The following SLC44A3 variants were observed in gnomAD, a reference collection of about 807,000 sequenced individuals.
SLC44A3 encodes solute carrier family 44 member 3.
In SLC44A3, 74 loss-of-function variants were observed where a neutral mutation model predicts 75.4. That is an observed-to-expected ratio of 0.98 (90% CI 0.81 to 1.19). The LOEUF (loss-of-function observed/expected upper bound fraction) is 1.19. Among genes scored for constraint, SLC44A3 ranks in the 50% most tolerant of loss-of-function variants. The probability of loss-of-function intolerance (pLI) is 0.00; values close to 1 mark genes in which losing one functional copy is unlikely to be tolerated. For missense variants in SLC44A3, 700 were observed against 778.6 expected, an observed-to-expected ratio of 0.90 and a Z score of 1.20; for synonymous variants, 310 against 296.9, an observed-to-expected ratio of 1.04 and a Z score of -0.45.
intron 2 of SLC44A3, among the ~76,000 whole-genome samples, chr1:94,822,236 T>C (rs918686928): frequency 2.6e-5 from 4 of 152,174 alleles, no homozygotes; most frequent in African/African-American, 9.7e-5. Flanking sequence ...CTGAGAATCC[T>C]GGGGAAAATC....
chr1:94,879,610 T>C (rs859084), intron 12 of SLC44A3, among the ~76,000 whole-genome samples: 119,989 of 148,406 alleles, frequency 0.81, 48,487 homozygotes, highest in South Asian at 0.87. Context: ...GAGGCGGAGG[T>C]GGGCAGATCA....
intron 12 of SLC44A3, among the ~76,000 whole-genome samples, chr1:94,885,998 G>C (rs1669544920): frequency 6.6e-6 from 1 of 152,192 alleles, no homozygotes; most frequent in East Asian, 1.9e-4. Flanking sequence ...CGAGGTGGGG[G>C]TGGAGGGGAG....
intron 1 of SLC44A3, 89 bp downstream of exon 1, chr1:94,820,567 T>C: frequency 7.0e-7 from 1 of 1,436,110 alleles, no homozygotes; most frequent in Non-Finnish European, 9.2e-7. Flanking sequence ...GCCGGACGCT[T>C]CCGCCTTTCC....
At chr1:94,855,067 A>G (rs1219203471) in intron 9 of SLC44A3, among the ~76,000 whole-genome samples, 7 of 152,184 alleles carry the variant, frequency 4.6e-5, no homozygotes, top group African/African-American at 7.2e-5. Context: ...GCCAAATGCC[A>G]TTCTTTGGGG....
In SLC44A3 at chr1:94,891,234, C is replaced by T. The variant is rs1670175652; in HGVS notation, c.1587C>T (p.Asn529=). 1 of 1,613,186 alleles carries T rather than the reference C, an allele frequency of 6.2e-7. No homozygotes were observed. The highest frequency in any genetic ancestry group is 8.5e-7 in the Non-Finnish European group (1 of 1,179,646). ...ACTCAAGTCACTTTACATCTATTAA[C>T]TGCTTTGGAGACTTCATAATTTTTC... ...SKNSSHFTSI[N]CFGDFIIFLG... The change falls in exon 13 of 15, where the codon AAC becomes AAT. Residue 529 remains asparagine (N), a synonymous_variant. Coordinates refer to ENST00000271227, the MANE Select transcript of SLC44A3 (RefSeq NM_001114106.3).
At chr1:94,836,085 G>A (rs1486654181) in intron 5 of SLC44A3, among the ~76,000 whole-genome samples, 2 of 152,184 alleles carry the variant, frequency 1.3e-5, no homozygotes, top group African/African-American at 4.8e-5. Context: ...TAGAAGCTTG[G>A]GAAGTCATTT....
chr1:94,841,414 TGAGG>T (rs1663626387), intron 7 of SLC44A3, among the ~76,000 whole-genome samples: 1 of 152,214 alleles, frequency 6.6e-6, no homozygotes, highest in Admixed American at 6.5e-5. Context: ...CAATGACTTC[TGAGG>T]GTTGTTTCTT....
chr1:94,869,263 A>C (rs1557866319), intron 12 of SLC44A3, among the ~76,000 whole-genome samples: 1 of 152,264 alleles, frequency 6.6e-6, no homozygotes, highest in Non-Finnish European at 1.5e-5. Context: ...CATAAGTGAC[A>C]TTAATGTTAA....
At chr1:94,840,565 C>G (rs1663488109) in intron 7 of SLC44A3, among the ~76,000 whole-genome samples, 1 of 152,142 alleles carries the variant, frequency 6.6e-6, no homozygotes, top group Admixed American at 6.5e-5. Context: ...GCTGGGATTA[C>G]AGGTATGAGT....
At chr1:94,842,739 C>A (rs1462244435) in intron 8 of SLC44A3, among the ~76,000 whole-genome samples, 20 of 152,238 alleles carry the variant, frequency 1.3e-4, no homozygotes, top group Admixed American at 1.2e-3. Flanking sequence ...CCCACACTGG[C>A]TTCAGGTCCC....
At position 94,826,049 on chromosome 1, in the gene SLC44A3, A is replaced by G. The variant is rs1027926972; in HGVS notation, c.278+1414A>G. 7.8e-6 allele frequency: 3 copies of G among 382,758 alleles called. No homozygotes were observed. The Admixed American group carries it at 8.7e-5, about 11-fold the overall frequency. The allele number at this position is 382,758 out of a possible 1,614,324, so 23.7% of individuals were successfully genotyped here. On this transcript the variant is annotated intron_variant, in intron 3 of 14. Transcript: ENST00000271227. The stretch of plus-strand genomic sequence containing the variant: ...AATGTGATATGTATATTACAATGAA[A>G]TATTAAAAAGGAAGGAAATTCTGAC...
At chr1:94,874,295 G>A (rs780061263) in intron 12 of SLC44A3, among the ~76,000 whole-genome samples, 1 of 152,214 alleles carries the variant, frequency 6.6e-6, no homozygotes, top group East Asian at 1.9e-4. Context: ...CTGTGGCTTA[G>A]TGTGGCTTTC....
chr1:94,883,476 A>T (rs1669220986), intron 12 of SLC44A3, among the ~76,000 whole-genome samples: 1 of 152,184 alleles, frequency 6.6e-6, no homozygotes, highest in South Asian at 2.1e-4. Context: ...ACTATACTCC[A>T]GCCTGGGTGT....
intron 10 of SLC44A3, among the ~76,000 whole-genome samples, chr1:94,859,182 T>C (rs1213740711): frequency 6.6e-6 from 1 of 152,146 alleles, no homozygotes; most frequent in African/African-American, 2.4e-5. Flanking sequence ...GCAGGTAATA[T>C]TTGCCTGACA....
intron 5 of SLC44A3, among the ~76,000 whole-genome samples, chr1:94,834,643 C>A (rs1179093977): frequency 6.6e-6 from 1 of 152,050 alleles, no homozygotes; most frequent in Non-Finnish European, 1.5e-5. Flanking sequence ...CACCACGACA[C>A]CTGGCTAGTT....
At chr1:94,832,524 G>A (rs566880389) in intron 5 of SLC44A3, among the ~76,000 whole-genome samples, 1 of 152,184 alleles carries the variant, frequency 6.6e-6, no homozygotes, top group African/African-American at 2.4e-5. Flanking sequence ...TTTAATTTTT[G>A]TCTTTCTCTG....
intron 9 of SLC44A3, among the ~76,000 whole-genome samples, chr1:94,854,748 C>T (rs1285677371): frequency 6.6e-6 from 1 of 151,312 alleles, no homozygotes; most frequent in African/African-American, 2.4e-5. Context: ...ACTTTTTGCC[C>T]CTGATATGGC....
intron 2 of SLC44A3, among the ~76,000 whole-genome samples, chr1:94,821,545 A>G (rs1399663462): frequency 6.6e-6 from 1 of 152,234 alleles, no homozygotes; most frequent in Non-Finnish European, 1.5e-5. Context: ...ATAGCTAACA[A>G]GGAATGATTT....
At position 94,827,373 on chromosome 1, in the gene SLC44A3, A is replaced by ATT. The variant is rs1661511925; in HGVS notation, c.279-133_279-132insTT. On this transcript the variant is annotated intron_variant, in intron 3 of 14. Transcript: ENST00000271227. ...CAGTAGGCATCATAAATGTTCAATT[A>ATT]TGCTGAAACAATTATGAAAGTGTGC... is the stretch of plus-strand genomic sequence containing the variant. 1.3e-5 allele frequency: 15 copies of ATT among 1,149,514 alleles called. No homozygotes were observed. The South Asian group carries it at 2.1e-4, about 16-fold the overall frequency. The allele number at this position is 1,149,514 out of a possible 1,614,324, so 71.2% of individuals were successfully genotyped here. A position where few individuals can be genotyped will look rare whatever the true frequency, so the allele number is the denominator to read the frequency against.
Sources: gnomAD v4.1 joint callset for allele counts (sites outside exome capture counted in the v4.1 genomes callset) on GRCh38, gnomAD v4.1.1 for gene constraint, MANE v1.5 for transcripts, NCBI Gene and HGNC (gene_info 2026-07-23, HGNC 2026-07-21) for gene names.